Variants in GNB1L observed in about 807,000 individuals in gnomAD.
The protein encoded by GNB1L is G protein subunit beta 1 like.
Under a neutral mutation model 29.1 loss-of-function variants are expected in GNB1L, and 20 were observed. That is an observed-to-expected ratio of 0.69 (90% CI 0.48 to 1.00). GNB1L has a LOEUF of 1.00. GNB1L is among the 50% of genes least tolerant of loss of function. GNB1L has a pLI of 0.00. For missense variants in GNB1L, 421 were observed against 464.9 expected (o/e 0.91, Z 0.87); for synonymous variants, 193 against 206.5 (o/e 0.93, Z 0.56).
Position 19,843,615 on chromosome 22 carries a change from G to A in GNB1L, c.-21+10828C>T, listed in dbSNP as rs142310019. On this transcript the variant is annotated intron_variant, in intron 2 of 7. Transcript: ENST00000329517. ...CTCCAGGCCTGCATCAGGCATATCCGTCTCAGGGAGTGGCCCTGACTGACA... is the reference window on the plus strand; with the variant it reads ...CTCCAGGCCTGCATCAGGCATATCCATCTCAGGGAGTGGCCCTGACTGACA... 1.4e-3 allele frequency among the ~76,000 whole-genome samples: 216 copies of A among 152,298 alleles called. 1 individual carries two copies. The highest frequency in any genetic ancestry group is 5.0e-3 in the African/African-American group (206 of 41,566).
chr22:19,789,757 G>C (rs893978200), intron 7 of GNB1L, among the ~76,000 whole-genome samples: 1 of 151,350 alleles, frequency 6.6e-6, no homozygotes, highest in African/African-American at 2.4e-5. Context: ...GATCACCTGA[G>C]CCCAGTGGAT....
intron 2 of GNB1L, among the ~76,000 whole-genome samples, chr22:19,841,262 C>T (rs960339200): frequency 1.3e-5 from 2 of 152,222 alleles, no homozygotes; most frequent in Admixed American, 6.5e-5. Context: ...CACAGTCTCA[C>T]AGGTTATGTT....
At chr22:19,836,305 G>C (rs1937763977) in intron 2 of GNB1L, among the ~76,000 whole-genome samples, 1 of 152,076 alleles carries the variant, frequency 6.6e-6, no homozygotes, top group Admixed American at 6.6e-5. Flanking sequence ...TGAAATGAAA[G>C]TTGGAAGACA....
chr22:19,810,458 G>A (rs531592768), intron 5 of GNB1L, among the ~76,000 whole-genome samples: 48 of 152,266 alleles, frequency 3.2e-4, no homozygotes, highest in African/African-American at 1.1e-3. Context: ...AGGAGGGAGC[G>A]GGGGTGGCGG....
At chr22:19,843,449 C>G (rs1444723952) in intron 2 of GNB1L, among the ~76,000 whole-genome samples, 1 of 152,192 alleles carries the variant, frequency 6.6e-6, no homozygotes, top group African/African-American at 2.4e-5. Flanking sequence ...CGAGGGGGAG[C>G]CAGGCACCGC....
At chr22:19,841,601 T>C (rs1937862106) in intron 2 of GNB1L, among the ~76,000 whole-genome samples, 1 of 152,186 alleles carries the variant, frequency 6.6e-6, no homozygotes, top group Admixed American at 6.5e-5. Context: ...ATGATCACAC[T>C]ACTGCACTGC....
At chr22:19,792,702 C>T (rs919812625) in intron 7 of GNB1L, 12 of 1,470,404 alleles carry the variant, frequency 8.2e-6, no homozygotes, top group African/African-American at 2.8e-5. Flanking sequence ...ACCTGTCCTT[C>T]GAGCAGGAGT....
chr22:19,853,563 T>G (rs1438340370), intron 2 of GNB1L, among the ~76,000 whole-genome samples: 2 of 152,032 alleles, frequency 1.3e-5, no homozygotes, highest in African/African-American at 2.4e-5. Context: ...TGCACACACC[T>G]TCATCCCACA....
At chr22:19,852,034 A>T (rs1938117199) in intron 2 of GNB1L, 1 of 1,614,182 alleles carries the variant, frequency 6.2e-7, no homozygotes, top group Non-Finnish European at 8.5e-7. Context: ...CCCTTTCTGC[A>T]GGTTTACCGC....
At chr22:19,815,269 G>A (rs760811536) in intron 4 of GNB1L, among the ~76,000 whole-genome samples, 3 of 152,246 alleles carry the variant, frequency 2.0e-5, no homozygotes, top group Non-Finnish European at 4.4e-5. Context: ...ACGCCACAGA[G>A]AATTCAGCAC....
intron 7 of GNB1L, among the ~76,000 whole-genome samples, chr22:19,796,936 A>G (rs889085373): frequency 1.3e-5 from 2 of 152,348 alleles, no homozygotes; most frequent in South Asian, 2.1e-4. Context: ...TAAAGCAGGG[A>G]CGGAGCTTTG....
At position 19,788,664 on chromosome 22, in the gene GNB1L, C is replaced by A; in HGVS notation, c.*45G>T. On this transcript the variant is annotated 3_prime_UTR_variant, in exon 8 of 8. Coordinates refer to ENST00000329517, the MANE Select transcript of GNB1L (RefSeq NM_053004.3). ...GGCCAAGGCTGGGGCCTGATGCCCA[C>A]CTCCCTGCCCGCCCTCCTCGTCTCC... is the stretch of plus-strand genomic sequence containing the variant. 1.2e-6 allele frequency: 2 copies of A among 1,612,256 alleles called. No homozygotes were observed. The highest frequency in any genetic ancestry group is 1.7e-6 in the Non-Finnish European group (2 of 1,179,418).
At chr22:19,838,598 G>A (rs1297060895) in intron 2 of GNB1L, among the ~76,000 whole-genome samples, 2 of 152,088 alleles carry the variant, frequency 1.3e-5, no homozygotes, top group South Asian at 2.1e-4. Context: ...AGCCTCCTGG[G>A]TAGCTGGATT....
intron 5 of GNB1L, among the ~76,000 whole-genome samples, chr22:19,807,948 G>A (rs986096350): frequency 2.0e-5 from 3 of 152,198 alleles, no homozygotes; most frequent in African/African-American, 4.8e-5. Context: ...CCCACAGCCC[G>A]GTCCTTCCAG....
At chr22:19,851,770 CA>C in intron 2 of GNB1L, 1 of 1,612,728 alleles carries the variant, frequency 6.2e-7, no homozygotes, top group Non-Finnish European at 8.5e-7. Flanking sequence ...AATCGTCAGG[CA>C]GGGGCAGGTC....
chr22:19,819,173 G>A (rs964781687), intron 4 of GNB1L, among the ~76,000 whole-genome samples: 2 of 152,218 alleles, frequency 1.3e-5, no homozygotes, highest in African/African-American at 4.8e-5. Flanking sequence ...AGGCCCTCCA[G>A]GGCCGCAGCA....
intron 6 of GNB1L, 112 bp from the exon 7 acceptor site, chr22:19,802,328 C>A: frequency 1.2e-6 from 1 of 808,054 alleles, no homozygotes; most frequent in Non-Finnish European, 2.0e-6. Flanking sequence ...GGGCTGTTTC[C>A]CATGTCTTCC....
At chr22:19,803,764 T>C (rs1937401790) in intron 6 of GNB1L, among the ~76,000 whole-genome samples, 1 of 152,146 alleles carries the variant, frequency 6.6e-6, no homozygotes, top group Non-Finnish European at 1.5e-5. Flanking sequence ...CAACCAGGAA[T>C]GCAGGCCAAC....
At chr22:19,847,490 C>T (rs945228974) in intron 2 of GNB1L, 34 of 985,314 alleles carry the variant, frequency 3.5e-5, no homozygotes, top group Non-Finnish European at 4.0e-5. Flanking sequence ...ACCCTTCTAA[C>T]CACCCCATGA....
Sources: gnomAD v4.1 joint callset for allele counts (sites outside exome capture counted in the v4.1 genomes callset) on GRCh38, gnomAD v4.1.1 for gene constraint, MANE v1.5 for transcripts, NCBI Gene and HGNC (gene_info 2026-07-23, HGNC 2026-07-21) for gene names.